The following SEMA4F variants were observed in gnomAD, a reference collection of about 807,000 sequenced individuals.
SEMA4F encodes ssemaphorin 4F, also known as semaphorin-4F.
SEMA4F carries 51 observed loss-of-function variants against 78.4 expected under a neutral mutation model. The observed-to-expected ratio is 0.65, with a 90% CI of 0.52 to 0.82. The LOEUF (loss-of-function observed/expected upper bound fraction) is 0.82, where lower values mean the gene tolerates loss of function less well. Among genes scored for constraint, SEMA4F ranks in the 40% least tolerant of loss-of-function variants. The pLI, the probability that SEMA4F is intolerant of heterozygous loss-of-function variation, is 0.00. For missense variants in SEMA4F, 938 were observed against 1,014.4 expected, an observed-to-expected ratio of 0.92 and a Z score of 1.02; for synonymous variants, 418 against 408.7, an observed-to-expected ratio of 1.02 and a Z score of -0.27.
rs1443766313 is a variant in SEMA4F at position 74,658,448 on chromosome 2, T to C, written c.456+497T>C. 6.6e-6 allele frequency among the ~76,000 whole-genome samples: 1 copy of C among 152,242 alleles called. No individual in the cohort carries two copies. Among genetic ancestry groups the C allele is most frequent in the East Asian group, 1.9e-4 (1 of 5,204 alleles). On this transcript the variant is annotated intron_variant, in intron 4 of 13. Transcript: ENST00000357877. The surrounding 1 kb of genome is among the most constrained non-coding windows in gnomAD (Gnocchi z 4.3). ...TCATTGTATATGGGCTGTGAGTCTC[T>C]CCTCTCATGGCTTCTGATGTCACTT...
At chr2:74,705,156 G>T in the SEMA4F span, among the ~76,000 whole-genome samples, 1 of 152,196 alleles carries the variant, frequency 6.6e-6, no homozygotes, top group South Asian at 2.1e-4. Context: ...ATTTCCCCAT[G>T]GCAAAGGCAA....
chr2:74,703,169 A>T, the SEMA4F span, among the ~76,000 whole-genome samples: 3 of 152,140 alleles, frequency 2.0e-5, no homozygotes, highest in African/African-American at 7.2e-5. Context: ...AAAGGAGATG[A>T]TTCATTTGGA....
intron 8 of SEMA4F, 102 bp from the exon 9 acceptor site, chr2:74,674,786 A>G: frequency 1.9e-6 from 3 of 1,546,278 alleles, no homozygotes; most frequent in Admixed American, 1.9e-5. Flanking sequence ...CTTTGGCTGC[A>G]TGGCTCCCTG....
intron 3 of SEMA4F, 109 bp from the exon 4 acceptor site, chr2:74,657,744 C>T (rs2104915326): frequency 1.5e-6 from 2 of 1,355,534 alleles, no homozygotes. Flanking sequence ...AACACCATGC[C>T]ATCACCCATC....
chr2:74,687,627 A>G (rs1685848647), downstream of SEMA4F, among the ~76,000 whole-genome samples: 1 of 152,226 alleles, frequency 6.6e-6, no homozygotes, highest in Non-Finnish European at 1.5e-5. Context: ...CTGAGAGGCC[A>G]ACACCATCCA....
the SEMA4F span, among the ~76,000 whole-genome samples, chr2:74,694,296 T>A: frequency 6.6e-6 from 1 of 152,242 alleles, no homozygotes; most frequent in African/African-American, 2.4e-5. Context: ...GCAAGGAAGG[T>A]GATGAAATCA....
chr2:74,709,044 G>C, the SEMA4F span, among the ~76,000 whole-genome samples: 1 of 152,148 alleles, frequency 6.6e-6, no homozygotes, highest in African/African-American at 2.4e-5. Flanking sequence ...CGTGCCTATA[G>C]TCCCAGCTAA....
At chr2:74,662,926 A>G (rs567437002) in intron 5 of SEMA4F, 101 bp downstream of exon 5, 65 of 1,040,554 alleles carry the variant, frequency 6.2e-5, no homozygotes, top group East Asian at 1.4e-4. Flanking sequence ...TGGAATGTCT[A>G]TTATTCTCAT....
chr2:74,655,679 T>C (rs1476737428), intron 1 of SEMA4F, among the ~76,000 whole-genome samples: 2 of 152,112 alleles, frequency 1.3e-5, no homozygotes, highest in Non-Finnish European at 2.9e-5. Context: ...TCCAGAGATG[T>C]CTAGATGGCA....
chr2:74,704,671 A>G, the SEMA4F span, among the ~76,000 whole-genome samples: 8 of 152,070 alleles, frequency 5.3e-5, no homozygotes, highest in African/African-American at 9.7e-5. Flanking sequence ...GTGAGTGGAA[A>G]CTGTAACTTG....
the SEMA4F span, among the ~76,000 whole-genome samples, chr2:74,692,068 A>G: frequency 6.6e-6 from 1 of 152,166 alleles, no homozygotes; most frequent in African/African-American, 2.4e-5. Flanking sequence ...ACCAGGCAAA[A>G]GAAGTACCAG....
chr2:74,685,180 C>T (rs1268271757), downstream of SEMA4F, among the ~76,000 whole-genome samples: 1 of 152,104 alleles, frequency 6.6e-6, no homozygotes, highest in Non-Finnish European at 1.5e-5. Context: ...AGAGAAATGG[C>T]GACTGGATAT....
chr2:74,659,133 G>T lies in SEMA4F; in HGVS notation c.456+1182G>T, dbSNP rs543121834. 1.8e-4 allele frequency among the ~76,000 whole-genome samples: 27 copies of T among 152,334 alleles called. No individual in the cohort carries two copies. In the South Asian group the frequency reaches 5.6e-3, roughly 32 times the overall value. On this transcript the variant is annotated intron_variant, in intron 4 of 13. Transcript: ENST00000357877. ...CTCCCTCATTCTGGAAAGGTTCGCA[G>T]TTCAGGGTGTTGGTGAAAATCTCTG...
intron 5 of SEMA4F, among the ~76,000 whole-genome samples, chr2:74,664,003 G>A (rs1684557048): frequency 6.6e-6 from 1 of 152,168 alleles, no homozygotes; most frequent in Admixed American, 6.5e-5. Flanking sequence ...GATTCCTCAA[G>A]TGTGAAATGA....
At chr2:74,684,533 A>C (rs1193626069), downstream of SEMA4F, among the ~76,000 whole-genome samples, 1 of 152,108 alleles carries the variant, frequency 6.6e-6, no homozygotes, top group African/African-American at 2.4e-5. Context: ...AGGCACCTAA[A>C]GTTTTTGTCT....
At position 74,674,982 on chromosome 2, in the gene SEMA4F, A is replaced by C; in HGVS notation, c.1096A>C (p.Asn366His). 1 of 1,613,942 alleles carries C rather than the reference A, an allele frequency of 6.2e-7. No individual in the cohort carries two copies. The highest frequency in any genetic ancestry group is 1.3e-5 in the African/African-American group (1 of 74,930). The change falls in exon 9 of 14, where the codon AAC (asparagine) becomes CAC (histidine). Residue 366 changes from asparagine to histidine, a missense_variant. Transcript: ENST00000357877. ...GPFRELKHDC[N>H]RGLPVVDNDV... The stretch of plus-strand genomic sequence containing the variant: ...CTTCAGAGAACTAAAACATGACTGC[A>C]ACAGAGGACTGCCTGTCGTGGACAA...
the SEMA4F span, among the ~76,000 whole-genome samples, chr2:74,698,511 C>G: frequency 1.3e-5 from 2 of 152,172 alleles, no homozygotes; most frequent in East Asian, 3.9e-4. Flanking sequence ...TATCTGTAAA[C>G]TCAGTCACAA....
chr2:74,656,196 G>C (rs942552841), intron 1 of SEMA4F, among the ~76,000 whole-genome samples: 2 of 151,960 alleles, frequency 1.3e-5, no homozygotes, highest in Non-Finnish European at 2.9e-5. Context: ...TTTTAGTAGA[G>C]ACGGGATTTC....
chr2:74,671,489 C>T (rs944634892), intron 5 of SEMA4F, among the ~76,000 whole-genome samples: 2 of 152,218 alleles, frequency 1.3e-5, no homozygotes, highest in Non-Finnish European at 2.9e-5. Flanking sequence ...ATCAGCCTGT[C>T]TTGCTTCTCT....
Sources: gnomAD v4.1 joint callset for allele counts (sites outside exome capture counted in the v4.1 genomes callset) on GRCh38, gnomAD v4.1.1 for gene constraint, Gnocchi (gnomAD v3.1) non-coding constraint, MANE v1.5 for transcripts, NCBI Gene and HGNC (gene_info 2026-07-23, HGNC 2026-07-21) for gene names.